The following SGCZ variants were observed in gnomAD, a reference collection of about 807,000 sequenced individuals.
SGCZ encodes sarcoglycan zeta, also known as zeta-sarcoglycan.
SGCZ carries 40 observed loss-of-function variants against 41.3 expected under a neutral mutation model. That is an observed-to-expected ratio of 0.97 (90% CI 0.75 to 1.26). SGCZ has a LOEUF of 1.26. Among genes scored for constraint, SGCZ ranks in the 50% most tolerant of loss-of-function variants. The pLI, the probability that SGCZ is intolerant of heterozygous loss-of-function variation, is 0.00. For synonymous variants in SGCZ, 206 were observed against 137.5 expected, an observed-to-expected ratio of 1.50 and a Z score of -3.49; for missense variants, 552 against 369.8, an observed-to-expected ratio of 1.49 and a Z score of -4.04.
chr8:14,349,996 A>G (rs12114350), intron 2 of SGCZ, among the ~76,000 whole-genome samples: 1,872 of 152,270 alleles, frequency 0.012, 36 homozygotes, highest in African/African-American at 0.042. Context: ...TAAATCCTTT[A>G]TGGCATAAGA....
intron 3 of SGCZ, among the ~76,000 whole-genome samples, chr8:14,275,777 T>C (rs1800209160): frequency 6.6e-6 from 1 of 152,166 alleles, no homozygotes. Flanking sequence ...CTTCTACTGC[T>C]GCTGGTGGCT....
intron 3 of SGCZ, among the ~76,000 whole-genome samples, chr8:14,286,076 A>G (rs2410171): frequency 2.7e-4 from 41 of 151,384 alleles, no homozygotes; most frequent in East Asian, 3.9e-4. Context: ...CAGTCAATGT[A>G]TTTTGTTTTT....
intron 4 of SGCZ, among the ~76,000 whole-genome samples, chr8:14,177,015 A>G (rs1042855047): frequency 6.6e-6 from 1 of 152,100 alleles, no homozygotes; most frequent in Non-Finnish European, 1.5e-5. Flanking sequence ...ACGTTACATC[A>G]CCAAGGTTTT....
In SGCZ at chr8:14,741,690, T is replaced by C. The variant is rs764363056; in HGVS notation, c.40-186764A>G. Among the ~76,000 whole-genome samples, 18 of 152,068 alleles carry C rather than the reference T, an allele frequency of 1.2e-4. 1 individual carries two copies. The highest frequency in any genetic ancestry group is 2.6e-4 in the Admixed American group (4 of 15,246). Reference sequence around the variant, plus strand: ...GCACAATTAATGCAAAAATATAAAATGTAGATATTTTTCTAAATTGCTTTT... The same window carrying C: ...GCACAATTAATGCAAAAATATAAAACGTAGATATTTTTCTAAATTGCTTTT... On this transcript the variant is annotated intron_variant, in intron 1 of 7. Transcript: ENST00000382080.
chr8:14,461,672 A>AT lies in SGCZ; in HGVS notation c.234+93059dup, dbSNP rs1800906115. On this transcript the variant is annotated intron_variant, in intron 2 of 7. Coordinates refer to ENST00000382080, the MANE Select transcript of SGCZ (RefSeq NM_139167.4). ...CTGCTGCAAAACTCTTCTACAAACC[A>AT]TGCAGAAAGACTTTAGACTAGCAAG... 2.0e-5 allele frequency among the ~76,000 whole-genome samples: 3 copies of AT among 152,138 alleles called. No homozygotes were observed. In the South Asian group the frequency reaches 6.2e-4, roughly 31 times the overall value.
chr8:14,566,763 C>T (rs559201392), intron 1 of SGCZ, among the ~76,000 whole-genome samples: 58 of 152,346 alleles, frequency 3.8e-4, no homozygotes, highest in African/African-American at 1.4e-3. Context: ...ACTGTGGGAG[C>T]CCCTTTCTGG....
At chr8:15,004,071 G>A (rs1802517056) in intron 1 of SGCZ, among the ~76,000 whole-genome samples, 3 of 152,042 alleles carry the variant, frequency 2.0e-5, no homozygotes, top group Non-Finnish European at 4.4e-5. Flanking sequence ...TGCTACATGT[G>A]AACAGAGAGG....
At chr8:14,579,327 G>A (rs1248297906) in intron 1 of SGCZ, among the ~76,000 whole-genome samples, 4 of 152,156 alleles carry the variant, frequency 2.6e-5, no homozygotes, top group Non-Finnish European at 4.4e-5. Flanking sequence ...GCACATGAAT[G>A]TAAATTATAA....
chr8:14,376,564 T>G (rs1417679609), intron 2 of SGCZ, among the ~76,000 whole-genome samples: 1 of 152,088 alleles, frequency 6.6e-6, no homozygotes, highest in Non-Finnish European at 1.5e-5. Context: ...CAGACCCAGA[T>G]GGTTTTTCAA....
chr8:14,991,660 T>A (rs74385061), intron 1 of SGCZ, among the ~76,000 whole-genome samples: 4 of 152,076 alleles, frequency 2.6e-5, no homozygotes, highest in Non-Finnish European at 5.9e-5. Flanking sequence ...AGGAAACTAG[T>A]GATACCCTGG....
chr8:14,639,042 T>A lies in SGCZ; in HGVS notation c.40-84116A>T, dbSNP rs138039029. Among the ~76,000 whole-genome samples, 824 of 118,038 alleles carry A rather than the reference T, an allele frequency of 7.0e-3. 1 individual carries two copies. The highest frequency in any genetic ancestry group is 0.015 in the Middle Eastern group (4 of 268). 77.4% of individuals were successfully genotyped at this position (118,038 alleles called of 152,430 possible). On this transcript the variant is annotated intron_variant, in intron 1 of 7. Transcript: ENST00000382080. The stretch of plus-strand genomic sequence containing the variant: ...AATACACTAAGAAACTGGAATCTTT[T>A]TTTTTTTTTTTTGTCTTTTTTTGAG...
chr8:14,099,160 T>C (rs1801934594), intron 7 of SGCZ, among the ~76,000 whole-genome samples: 1 of 152,256 alleles, frequency 6.6e-6, no homozygotes, highest in African/African-American at 2.4e-5. Flanking sequence ...ATAGCATTCC[T>C]GCACCTACCT....
At chr8:14,451,706 G>A (rs780905630) in intron 2 of SGCZ, among the ~76,000 whole-genome samples, 2 of 152,184 alleles carry the variant, frequency 1.3e-5, no homozygotes, top group Non-Finnish European at 2.9e-5. Context: ...ATTGCACACT[G>A]CATGATATAC....
chr8:15,232,656 T>C (rs1464950074), intron 1 of SGCZ, among the ~76,000 whole-genome samples: 1 of 139,168 alleles, frequency 7.2e-6, no homozygotes, highest in Non-Finnish European at 1.6e-5. Flanking sequence ...TGTGTATATA[T>C]ATACATATAT....
intron 1 of SGCZ, among the ~76,000 whole-genome samples, chr8:14,645,381 T>C (rs1807173524): frequency 6.7e-6 from 1 of 149,886 alleles, no homozygotes; most frequent in African/African-American, 2.4e-5. Flanking sequence ...TTGTAACACA[T>C]GCTGGCGTCC....
intron 2 of SGCZ, among the ~76,000 whole-genome samples, chr8:14,456,750 G>A (rs558383044): frequency 6.6e-6 from 1 of 152,158 alleles, no homozygotes; most frequent in South Asian, 2.1e-4. Flanking sequence ...ATGTTGAATT[G>A]TCATCTCCAA....
chr8:14,929,035 A>G (rs1159584313), intron 1 of SGCZ, among the ~76,000 whole-genome samples: 1 of 152,094 alleles, frequency 6.6e-6, no homozygotes, highest in Non-Finnish European at 1.5e-5. Flanking sequence ...TCTGTTGCCC[A>G]GACTGGAGTG....
At chr8:14,120,678 T>C (rs1802670850) in intron 5 of SGCZ, among the ~76,000 whole-genome samples, 1 of 152,066 alleles carries the variant, frequency 6.6e-6, no homozygotes, top group Non-Finnish European at 1.5e-5. Context: ...GAAAATTAAA[T>C]ACAATTAGAA....
chr8:14,337,657 G>A (rs1050099326), intron 2 of SGCZ, among the ~76,000 whole-genome samples: 1 of 152,164 alleles, frequency 6.6e-6, no homozygotes, highest in African/African-American at 2.4e-5. Flanking sequence ...ATACTGGGTA[G>A]GGTCGGAAAA....
Sources: gnomAD v4.1 joint callset for allele counts (sites outside exome capture counted in the v4.1 genomes callset) on GRCh38, gnomAD v4.1.1 for gene constraint, MANE v1.5 for transcripts, NCBI Gene and HGNC (gene_info 2026-07-23, HGNC 2026-07-21) for gene names.